The following UNC79 variants were observed in gnomAD, a reference collection of about 807,000 sequenced individuals.
UNC79 encodes unc-79 subunit of NALCN channel complex, also known as protein unc-79 homolog.
In UNC79, 37 loss-of-function variants were observed where a neutral mutation model predicts 283.1. The observed-to-expected ratio is 0.13, with a 90% confidence interval of 0.10 to 0.17. The LOEUF (loss-of-function observed/expected upper bound fraction) is 0.17, where lower values mean the gene tolerates loss of function less well. Ranked by LOEUF, UNC79 falls within the 10% of genes least tolerant of loss-of-function variation. The pLI is 1.00. For missense variants in UNC79, 2,272 were observed against 3,211.1 expected (o/e 0.71, Z 7.07); for synonymous variants, 1,107 against 1,200.2 (o/e 0.92, Z 1.61).
At chr14:93,414,556 T>C (rs1340792751) in intron 1 of UNC79, among the ~76,000 whole-genome samples, 1 of 152,176 alleles carries the variant, frequency 6.6e-6, no homozygotes, top group Non-Finnish European at 1.5e-5. Flanking sequence ...TTTTTCCAAT[T>C]CTGTGAAGAA....
intron 28 of UNC79, 124 bp from the exon 30 acceptor site, chr14:93,618,068 C>T (rs2066860048): frequency 2.0e-6 from 2 of 1,016,752 alleles, no homozygotes; most frequent in Non-Finnish European, 1.4e-6. Flanking sequence ...TTCTACTTCT[C>T]TCTCTCTCTC....
At chr14:93,704,957 G>A (rs1020239252) in intron 48 of UNC79, among the ~76,000 whole-genome samples, 15 of 152,164 alleles carry the variant, frequency 9.9e-5, no homozygotes, top group Middle Eastern at 3.2e-3. Context: ...GGCCGAGGCC[G>A]GGTGCAATGG....
intron 26 of UNC79, among the ~76,000 whole-genome samples, chr14:93,610,816 G>A (rs2066250236): frequency 6.6e-6 from 1 of 152,046 alleles, no homozygotes; most frequent in Admixed American, 6.5e-5. Context: ...TTGTCATGTT[G>A]CCTAGGCTGG....
intron 25 of UNC79, among the ~76,000 whole-genome samples, chr14:93,602,034 T>G (rs2065545840): frequency 6.6e-6 from 1 of 152,234 alleles, no homozygotes; most frequent in Non-Finnish European, 1.5e-5. Flanking sequence ...TGCAAATATT[T>G]TTCCCCATTC....
intron 1 of UNC79, among the ~76,000 whole-genome samples, chr14:93,448,643 C>T (rs963960720): frequency 2.6e-5 from 4 of 152,114 alleles, no homozygotes; most frequent in Non-Finnish European, 5.9e-5. Flanking sequence ...TATTTCCCAC[C>T]GATGAGGTGT....
intron 1 of UNC79, among the ~76,000 whole-genome samples, chr14:93,361,019 G>A (rs1274091133): frequency 6.6e-6 from 1 of 151,912 alleles, no homozygotes; most frequent in Non-Finnish European, 1.5e-5. Context: ...TTCAAGACCA[G>A]CTTGGTCAAC....
intron 1 of UNC79, among the ~76,000 whole-genome samples, chr14:93,406,568 A>G (rs535690443): frequency 2.4e-4 from 37 of 152,336 alleles, no homozygotes; most frequent in Non-Finnish European, 1.5e-5. Context: ...AGCCTGGCCA[A>G]CAAGGTGAGA....
At chr14:93,623,371 A>C (rs1009261084) in intron 30 of UNC79, among the ~76,000 whole-genome samples, 4 of 152,194 alleles carry the variant, frequency 2.6e-5, no homozygotes, top group African/African-American at 9.7e-5. Context: ...AATACCAGTT[A>C]CAGCCTAGAC....
chr14:93,366,102 T>C (rs1334113925), intron 1 of UNC79, among the ~76,000 whole-genome samples: 1 of 152,188 alleles, frequency 6.6e-6, no homozygotes, highest in Non-Finnish European at 1.5e-5. Flanking sequence ...AAGAAAATGA[T>C]TTTTTAACCA....
intron 1 of UNC79, among the ~76,000 whole-genome samples, chr14:93,456,848 G>T (rs1364824500): frequency 6.6e-6 from 1 of 152,102 alleles, no homozygotes; most frequent in Non-Finnish European, 1.5e-5. Flanking sequence ...CTGTCTGTTT[G>T]GCCTTCTGAC....
chr14:93,562,816 C>G (rs2141457277), intron 14 of UNC79, among the ~76,000 whole-genome samples: 1 of 152,280 alleles, frequency 6.6e-6, no homozygotes, highest in East Asian at 1.9e-4. Context: ...AAGTGTCTAC[C>G]CAGACCAAGA....
At chr14:93,346,037 C>G (rs2053819938) in intron 1 of UNC79, among the ~76,000 whole-genome samples, 1 of 151,012 alleles carries the variant, frequency 6.6e-6, no homozygotes, top group South Asian at 2.1e-4. Context: ...TGATTTTGAG[C>G]CCAGAGTTCT....
intron 1 of UNC79, among the ~76,000 whole-genome samples, chr14:93,342,609 T>C (rs1176167617): frequency 6.6e-6 from 1 of 152,210 alleles, no homozygotes; most frequent in Non-Finnish European, 1.5e-5. Context: ...ACAAAATGGG[T>C]TTTTCTTTTC....
At chr14:93,462,868 T>C (rs2057009562) in intron 1 of UNC79, among the ~76,000 whole-genome samples, 1 of 152,126 alleles carries the variant, frequency 6.6e-6, no homozygotes, top group Non-Finnish European at 1.5e-5. Flanking sequence ...TTCTTTGAGA[T>C]ATTTATAAGA....
chr14:93,662,640 G>A (rs1409852368), exon 40 of UNC79: 1 of 1,610,622 alleles, frequency 6.2e-7, no homozygotes, highest in Non-Finnish European at 8.5e-7. Context: ...GCTCAGCTTT[G>A]TAATTCAGAA....
chr14:93,487,917 A>G (rs528687363), intron 5 of UNC79, among the ~76,000 whole-genome samples, 162 bp downstream of exon 5: 8 of 152,374 alleles, frequency 5.3e-5, no homozygotes, highest in African/African-American at 1.9e-4. Flanking sequence ...TATTGCTATT[A>G]GCAGTGATCC....
chr14:93,434,118 C>G (rs1031915249), intron 1 of UNC79, among the ~76,000 whole-genome samples: 1 of 151,668 alleles, frequency 6.6e-6, no homozygotes, highest in Non-Finnish European at 1.5e-5. Flanking sequence ...GAGGCTGAGG[C>G]AGGAGAATCA....
intron 8 of UNC79, among the ~76,000 whole-genome samples, chr14:93,524,914 A>T (rs1167097780): frequency 6.6e-6 from 1 of 152,178 alleles, no homozygotes; most frequent in African/African-American, 2.4e-5. Context: ...GCCTGTAGAA[A>T]ACCAAATACT....
At chr14:93,445,164 A>G (rs896640216) in intron 1 of UNC79, among the ~76,000 whole-genome samples, 2 of 152,164 alleles carry the variant, frequency 1.3e-5, no homozygotes, top group African/African-American at 4.8e-5. Context: ...CCCCTACCAC[A>G]CTCATGTATT....
Sources: allele counts gnomAD v4.1 joint callset (sites outside exome capture counted in the v4.1 genomes callset), GRCh38; gene constraint gnomAD v4.1.1; transcripts MANE v1.5; gene names NCBI Gene and HGNC (gene_info 2026-07-23, HGNC 2026-07-21).